ROBO2: variants seen among roughly 807,000 people sequenced by gnomAD.
ROBO2 encodes the protein roundabout guidance receptor 2, also known as roundabout homolog 2.
A neutral mutation model predicts 160.8 loss-of-function variants in ROBO2; 53 were observed. That is an observed-to-expected ratio of 0.33 (90% CI 0.26 to 0.41). The LOEUF is 0.41. Ranked by LOEUF, ROBO2 falls within the 10% of genes least tolerant of loss-of-function variation. The probability of loss-of-function intolerance (pLI) is 1.00; values close to 1 mark genes in which losing one functional copy is unlikely to be tolerated. For missense variants in ROBO2, 1,577 were observed against 1,722.4 expected (o/e 0.92, Z 1.49); for synonymous variants, 664 against 611.7 (o/e 1.09, Z -1.26).
At chr3:76,882,706 G>A (rs1249587696) in intron 2 of ROBO2, among the ~76,000 whole-genome samples, 2 of 152,032 alleles carry the variant, frequency 1.3e-5, no homozygotes, top group Non-Finnish European at 2.9e-5. Context: ...ATCTTACGGG[G>A]AAAACATTTT....
At chr3:77,624,144 A>T (rs2094956878) in intron 23 of ROBO2, among the ~76,000 whole-genome samples, 1 of 152,234 alleles carries the variant, frequency 6.6e-6, no homozygotes, top group Non-Finnish European at 1.5e-5. Flanking sequence ...TTTGTATTCC[A>T]TGATGAGTTT....
chr3:76,067,640 A>G (rs2068300701), intron 2 of ROBO2, among the ~76,000 whole-genome samples: 1 of 152,134 alleles, frequency 6.6e-6, no homozygotes. Flanking sequence ...AACATTTCCG[A>G]GAGGGCCTGG....
chr3:77,219,434 G>GTATATATATATATATATATATATATA (rs369099644), intron 2 of ROBO2, among the ~76,000 whole-genome samples: 3 of 115,258 alleles, frequency 2.6e-5, no homozygotes, highest in Non-Finnish European at 5.4e-5. Context: ...GTATGTGTGT[G>GTATATATATATATATATATATATATA]TATATATATA....
chr3:76,434,139 G>C (rs2076560852), intron 2 of ROBO2: 1 of 1,200,780 alleles, frequency 8.3e-7, no homozygotes, highest in East Asian at 2.3e-5. Context: ...GCAAGCATTT[G>C]ACTCACTGCT....
intron 2 of ROBO2, among the ~76,000 whole-genome samples, chr3:76,877,622 G>GTAGA (rs1185482712): frequency 1.3e-5 from 2 of 152,202 alleles, no homozygotes; most frequent in African/African-American, 4.8e-5. Flanking sequence ...ATGGCACACA[G>GTAGA]TAGATAGTCT....
intron 24 of ROBO2, among the ~76,000 whole-genome samples, chr3:77,640,310 T>G (rs1394337718): frequency 1.3e-5 from 2 of 152,134 alleles, no homozygotes; most frequent in African/African-American, 4.8e-5. Context: ...AGACGGGGTT[T>G]CACTGTGTTA....
chr3:76,603,489 C>A (rs1259129756), intron 2 of ROBO2, among the ~76,000 whole-genome samples: 5 of 148,994 alleles, frequency 3.4e-5, no homozygotes, highest in African/African-American at 1.2e-4. Context: ...CCAATAAAGT[C>A]CTATTAAATT....
intron 2 of ROBO2, among the ~76,000 whole-genome samples, chr3:76,627,320 G>A (rs941484285): frequency 1.6e-4 from 25 of 152,168 alleles, no homozygotes; most frequent in African/African-American, 6.0e-4. Flanking sequence ...GAGCTTTGTA[G>A]TTCACCTCAA....
At chr3:76,102,981 G>A (rs1055250384) in intron 2 of ROBO2, among the ~76,000 whole-genome samples, 1 of 152,016 alleles carries the variant, frequency 6.6e-6, no homozygotes, top group African/African-American at 2.4e-5. Context: ...CCGCCACCAC[G>A]CCTGGATAAT....
intron 2 of ROBO2, among the ~76,000 whole-genome samples, chr3:77,101,696 A>T (rs969110074): frequency 6.6e-6 from 1 of 152,194 alleles, no homozygotes; most frequent in African/African-American, 2.4e-5. Flanking sequence ...TCAGAGTGAT[A>T]GAATATGGGC....
chr3:76,434,255 G>C, intron 2 of ROBO2: 1 of 1,004,384 alleles, frequency 1.0e-6, no homozygotes, highest in Non-Finnish European at 1.6e-6. Context: ...AGCGAGCGCT[G>C]TTGGTTACAG....
At chr3:77,133,915 GA>G (rs1480839266) in intron 2 of ROBO2, among the ~76,000 whole-genome samples, 2 of 152,140 alleles carry the variant, frequency 1.3e-5, no homozygotes, top group Non-Finnish European at 1.5e-5. Context: ...TTCAGAAAAA[GA>G]GTTGGAAACA....
chr3:76,809,752 A>G (rs1407525182), intron 2 of ROBO2, among the ~76,000 whole-genome samples: 2 of 152,080 alleles, frequency 1.3e-5, no homozygotes, highest in Admixed American at 1.3e-4. Context: ...ATTTTAAAGG[A>G]GGCATTCTTT....
At chr3:77,533,701 G>A (rs967421567) in intron 6 of ROBO2, among the ~76,000 whole-genome samples, 1 of 152,118 alleles carries the variant, frequency 6.6e-6, no homozygotes, top group African/African-American at 2.4e-5. Context: ...GCCTCTTTCT[G>A]ATTTAAAGAT....
At chr3:77,558,261 T>A in intron 9 of ROBO2, 112 bp downstream of exon 10, 4 of 835,128 alleles carry the variant, frequency 4.8e-6, no homozygotes, top group Non-Finnish European at 8.0e-6. Context: ...TGCTGCACGT[T>A]TAAAAACAGT....
intron 2 of ROBO2, among the ~76,000 whole-genome samples, chr3:76,801,612 C>T (rs970912471): frequency 1.3e-5 from 2 of 151,894 alleles, no homozygotes; most frequent in Non-Finnish European, 2.9e-5. Flanking sequence ...AATATCGCGG[C>T]AGATCTTTTA....
At chr3:76,229,259 G>T (rs1704477461) in intron 2 of ROBO2, among the ~76,000 whole-genome samples, 1 of 151,612 alleles carries the variant, frequency 6.6e-6, no homozygotes, top group Non-Finnish European at 1.5e-5. Context: ...ATTTTTATTT[G>T]CCTTTTACAT....
intron 2 of ROBO2, among the ~76,000 whole-genome samples, chr3:76,387,450 G>T (rs977255625): frequency 6.4e-4 from 97 of 150,900 alleles, no homozygotes; most frequent in Admixed American, 2.1e-3. Context: ...TTTTTTATTT[G>T]TTAGAATAAA....
chr3:76,981,473 A>G (rs62249921), intron 2 of ROBO2, among the ~76,000 whole-genome samples: 1 of 152,126 alleles, frequency 6.6e-6, no homozygotes, highest in Non-Finnish European at 1.5e-5. Flanking sequence ...GTTCATATGT[A>G]TATCTTCTTT....
Sources: allele counts gnomAD v4.1 joint callset (sites outside exome capture counted in the v4.1 genomes callset), GRCh38; gene constraint gnomAD v4.1.1; transcripts MANE v1.5; gene names NCBI Gene and HGNC (gene_info 2026-07-23, HGNC 2026-07-21).